Variants in WDFY4 observed in about 807,000 individuals in gnomAD.
The protein encoded by WDFY4 is WD repeat- and FYVE domain-containing protein 4.
In WDFY4, 169 loss-of-function variants were observed where a neutral mutation model predicts 351.9. The observed-to-expected ratio is 0.48, with a 90% CI of 0.42 to 0.55. The LOEUF (loss-of-function observed/expected upper bound fraction) is 0.55. Ranked by LOEUF, WDFY4 falls within the 20% of genes least tolerant of loss-of-function variation. The pLI is 0.00. For missense variants in WDFY4, 3,803 were observed against 3,935.6 expected (o/e 0.97, Z 0.90); for synonymous variants, 1,622 against 1,574.6 (o/e 1.03, Z -0.71).
intron 24 of WDFY4, among the ~76,000 whole-genome samples, chr10:48,798,320 GA>G (rs1001664560): frequency 1.0e-4 from 15 of 148,832 alleles, no homozygotes; most frequent in African/African-American, 2.7e-4. Context: ...AATAAAATAG[GA>G]AAAAAAAACA....
At chr10:48,805,891 A>T in intron 26 of WDFY4, 113 bp from the exon 27 acceptor site, 1 of 852,156 alleles carries the variant, frequency 1.2e-6, no homozygotes, top group Non-Finnish European at 2.0e-6. Context: ...GATTTCCCTT[A>T]AACTCTCACT....
rs1285737563 is a variant in WDFY4 at position 48,774,529 on chromosome 10, G to T, written c.2625G>T (p.Gln875His). 2 of 1,551,762 alleles carry T rather than the reference G, an allele frequency of 1.3e-6. 1 individual carries two copies. The highest frequency in any genetic ancestry group is 2.4e-5 in the South Asian group (2 of 84,066). ...QSLVKSEKNR[Q>H]VMCEAGLLGT... ...TGGTGAAGTCGGAGAAGAACCGCCA[G>T]GTCATGTGCGAAGCAGGCTTGCTTG... Residue 875 changes from glutamine (Q) to histidine (H), a missense_variant, in exon 14 of 62, where the codon CAG becomes CAT. By Grantham distance (24) the Gln-to-His change is conservative (BLOSUM62 0). This residue lies in a region of WDFY4 where 3,054 missense variants were observed against 3,148.6 expected (regional missense o/e 0.97). Transcript: ENST00000325239.
At chr10:48,949,367 G>A (rs555586441) in intron 51 of WDFY4, among the ~76,000 whole-genome samples, 40 of 152,340 alleles carry the variant, frequency 2.6e-4, no homozygotes, top group African/African-American at 8.7e-4. Flanking sequence ...TCGAGAGGAT[G>A]AGTATAAAGG....
chr10:48,734,435 A>C (rs2064575504), intron 10 of WDFY4, among the ~76,000 whole-genome samples: 1 of 152,026 alleles, frequency 6.6e-6, no homozygotes, highest in Non-Finnish European at 1.5e-5. Flanking sequence ...CTCTCATCAG[A>C]CATGATGCAC....
intron 12 of WDFY4, among the ~76,000 whole-genome samples, chr10:48,748,677 A>G (rs1183805644): frequency 2.0e-5 from 3 of 152,168 alleles, no homozygotes; most frequent in Non-Finnish European, 4.4e-5. Flanking sequence ...TGTTTCATAA[A>G]TAGAGCATTT....
chr10:48,708,226 A>G (rs1403993140), intron 1 of WDFY4, among the ~76,000 whole-genome samples: 1 of 152,192 alleles, frequency 6.6e-6, no homozygotes, highest in African/African-American at 2.4e-5. Flanking sequence ...GTGTGCTCGA[A>G]GAGGAGCTGG....
In WDFY4 at chr10:48,709,805, G is replaced by C. The variant is rs1336135418; in HGVS notation, c.73G>C (p.Ala25Pro). ...AGGTTCCAAAAATGAAGGGCAGCTTGCTGCTGTGCAGCCTGATGTCCCACA... is the reference window on the plus strand; with the variant it reads ...AGGTTCCAAAAATGAAGGGCAGCTTCCTGCTGTGCAGCCTGATGTCCCACA... ...DPGSKNEGQLAAVQPDVPHGG... is the reference protein window; with the variant it reads ...DPGSKNEGQLPAVQPDVPHGG... The change falls in exon 2 of 62, where the codon GCT becomes CCT. Residue 25 changes from alanine (A) to proline (P), a missense_variant. Around this residue, in one of 3 missense-constraint regions of WDFY4, gnomAD observed 488 missense variants for 456.8 expected, o/e 1.07. Coordinates refer to ENST00000325239, the MANE Select transcript of WDFY4 (RefSeq NM_001394531.1). 2 of 1,551,774 alleles carry C rather than the reference G, an allele frequency of 1.3e-6. No homozygotes were observed. The highest frequency in any genetic ancestry group is 1.4e-5 in the African/African-American group (1 of 73,054).
At chr10:48,934,709 T>C (rs1840243643) in intron 47 of WDFY4, among the ~76,000 whole-genome samples, 1 of 152,234 alleles carries the variant, frequency 6.6e-6, no homozygotes, top group South Asian at 2.1e-4. Context: ...TTTGTTCTGC[T>C]GGGCTGGACC....
chr10:48,800,077 G>T (rs544120119), intron 24 of WDFY4, among the ~76,000 whole-genome samples: 14 of 152,150 alleles, frequency 9.2e-5, no homozygotes, highest in Middle Eastern at 3.4e-3. Context: ...GTAGAGACGG[G>T]GTTTCACCAT....
Position 48,974,948 on chromosome 10 carries a change from C to G in WDFY4, c.9015C>G (p.Thr3005=). 1 of 1,551,704 alleles carries G rather than the reference C, an allele frequency of 6.4e-7. No individual in the cohort carries two copies. The highest frequency in any genetic ancestry group is 1.2e-5 in the South Asian group (1 of 84,054). ...SLLVSGSQDC[T]CILWDLDHLT... ...TGGTGAGCGGCTCCCAGGACTGCAC[C>G]TGTATCCTGTGGGATCTGGACCACC... The change falls in exon 58 of 62, where the codon ACC becomes ACG. Residue 3005 remains threonine (T), a synonymous_variant. Coordinates refer to ENST00000325239, the MANE Select transcript of WDFY4 (RefSeq NM_001394531.1).
intron 9 of WDFY4, among the ~76,000 whole-genome samples, chr10:48,733,396 G>C (rs2064535970): frequency 6.6e-6 from 1 of 152,188 alleles, no homozygotes; most frequent in Non-Finnish European, 1.5e-5. Flanking sequence ...TGAATAAAGA[G>C]ATCTGATTTT....
intron 2 of WDFY4, among the ~76,000 whole-genome samples, chr10:48,711,485 G>A (rs2063766350): frequency 1.3e-5 from 2 of 152,010 alleles, no homozygotes; most frequent in African/African-American, 4.8e-5. Context: ...CACTGGCAAT[G>A]GGGATGAGTT....
At chr10:48,735,851 T>TAGCCCC (rs1303804912) in intron 10 of WDFY4, 29 bp from the exon 11 acceptor site, 2 of 1,542,012 alleles carry the variant, frequency 1.3e-6, no homozygotes, top group Non-Finnish European at 1.8e-6. Context: ...CCCCTTGCCC[T>TAGCCCC]AGCCCCATTC....
chr10:48,779,716 A>G (rs2066155864), intron 18 of WDFY4, among the ~76,000 whole-genome samples: 1 of 152,234 alleles, frequency 6.6e-6, no homozygotes, highest in Non-Finnish European at 1.5e-5. Context: ...GGCTGTGAAC[A>G]TGACATGAGT....
At chr10:48,864,774 G>A (rs2069482778) in intron 39 of WDFY4, among the ~76,000 whole-genome samples, 1 of 152,074 alleles carries the variant, frequency 6.6e-6, no homozygotes, top group African/African-American at 2.4e-5. Context: ...CAGTGTACAA[G>A]TTTTTCATCT....
chr10:48,700,501 C>A (rs184623983), intron 1 of WDFY4, among the ~76,000 whole-genome samples: 26 of 152,380 alleles, frequency 1.7e-4, no homozygotes, highest in African/African-American at 4.3e-4. Flanking sequence ...AGGTGTGGAA[C>A]ACAGAGCTTC....
Position 48,729,453 on chromosome 10 carries a change from C to T in WDFY4, c.993C>T (p.Ser331=), listed in dbSNP as rs367638233. The T allele has an allele frequency of 2.0e-5, 31 of 1,551,078 alleles. No individual in the cohort carries two copies. The highest frequency in any genetic ancestry group is 3.6e-5 in the South Asian group (3 of 84,032). The change falls in exon 8 of 62, where the codon AGC becomes AGT. Residue 331 remains serine (S), a synonymous_variant. Transcript: ENST00000325239. ...VLLRYDGLTQ[S]EVDPHLEELL... ...CCAGGTATGATGGGCTGACCCAGAG[C>T]GAAGTGGACCCGCATCTGGAGGAGC...
chr10:48,889,031 T>G (rs2070581850), intron 43 of WDFY4, among the ~76,000 whole-genome samples: 1 of 152,230 alleles, frequency 6.6e-6, no homozygotes, highest in African/African-American at 2.4e-5. Context: ...GAGCAGAGGC[T>G]GAATCCGTAA....
Position 48,774,508 on chromosome 10 carries a change from G to T in WDFY4, c.2604G>T (p.Val868=), listed in dbSNP as rs1040098956. 1 of 1,551,626 alleles carries T rather than the reference G, an allele frequency of 6.4e-7. No homozygotes were observed. Among genetic ancestry groups the T allele is most frequent in the East Asian group, 2.4e-5 (1 of 40,930 alleles). The change falls in exon 14 of 62, where the codon GTG becomes GTT. Residue 868 remains valine, a synonymous_variant. Coordinates refer to ENST00000325239, the MANE Select transcript of WDFY4 (RefSeq NM_001394531.1). ...TGGCCAGTCATATCCAGTCCCTGGT[G>T]AAGTCGGAGAAGAACCGCCAGGTCA... ...CSLASHIQSL[V]KSEKNRQVMC...
Sources: allele counts gnomAD v4.1 joint callset (sites outside exome capture counted in the v4.1 genomes callset), GRCh38; gene constraint gnomAD v4.1.1; regional missense constraint gnomAD v4.1.1; transcripts MANE v1.5; gene names NCBI Gene and HGNC (gene_info 2026-07-23, HGNC 2026-07-21).